The following CTNNA3 variants were observed in gnomAD, a reference collection of about 807,000 sequenced individuals.
CTNNA3 encodes catenin alpha 3, also known as catenin alpha-3.
A neutral mutation model predicts 95.7 loss-of-function variants in CTNNA3; 76 were observed. The observed-to-expected ratio is 0.79, with a 90% CI of 0.66 to 0.96. The LOEUF (loss-of-function observed/expected upper bound fraction) is 0.96. Ranked by LOEUF, CTNNA3 falls within the 40% of genes least tolerant of loss-of-function variation. The pLI is 0.00. For synonymous variants in CTNNA3, 431 were observed against 374.4 expected, an observed-to-expected ratio of 1.15 and a Z score of -1.74; for missense variants, 1,191 against 1,089.8, an observed-to-expected ratio of 1.09 and a Z score of -1.31.
chr10:67,402,405 T>C (rs1014387458), intron 5 of CTNNA3, among the ~76,000 whole-genome samples: 3 of 151,914 alleles, frequency 2.0e-5, no homozygotes, highest in Non-Finnish European at 4.4e-5. Context: ...GAAAAGAGAA[T>C]TGAGAAAGAT....
intron 10 of CTNNA3, among the ~76,000 whole-genome samples, chr10:66,536,745 TG>T (rs1841673420): frequency 6.6e-6 from 1 of 151,828 alleles, no homozygotes; most frequent in African/African-American, 2.4e-5. Context: ...GAGAAAAAAA[TG>T]GATGATAGAG....
intron 5 of CTNNA3, among the ~76,000 whole-genome samples, chr10:67,283,067 G>C (rs1839460816): frequency 6.6e-6 from 1 of 152,210 alleles, no homozygotes; most frequent in Non-Finnish European, 1.5e-5. Flanking sequence ...CTGCTGCACA[G>C]AGAGGACAAG....
chr10:66,839,284 G>A (rs1259183690), intron 7 of CTNNA3, among the ~76,000 whole-genome samples: 6 of 151,998 alleles, frequency 3.9e-5, no homozygotes, highest in Middle Eastern at 3.2e-3. Flanking sequence ...TTGAGCTATG[G>A]GTTTATACTG....
At chr10:66,076,831 G>C (rs2133625449) in intron 14 of CTNNA3, among the ~76,000 whole-genome samples, 1 of 151,834 alleles carries the variant, frequency 6.6e-6, no homozygotes, top group East Asian at 1.9e-4. Context: ...TGATGAGGTA[G>C]ATATTAATGT....
intron 12 of CTNNA3, among the ~76,000 whole-genome samples, chr10:66,375,945 C>G (rs1407349348): frequency 1.3e-5 from 2 of 152,102 alleles, no homozygotes; most frequent in African/African-American, 4.8e-5. Flanking sequence ...CCTGTATTTG[C>G]CATCACTGCC....
At chr10:67,071,852 T>C (rs1276882445) in intron 7 of CTNNA3, among the ~76,000 whole-genome samples, 3 of 152,234 alleles carry the variant, frequency 2.0e-5, no homozygotes, top group African/African-American at 7.2e-5. Context: ...ACTTGTATTA[T>C]ACTGTGCCCA....
chr10:66,077,828 G>A (rs1236135510), intron 14 of CTNNA3, among the ~76,000 whole-genome samples: 1 of 151,632 alleles, frequency 6.6e-6, no homozygotes, highest in Non-Finnish European at 1.5e-5. Context: ...TATCCAGAAG[G>A]TGAAGATCCA....
At chr10:66,708,838 T>C (rs895482545) in intron 9 of CTNNA3, among the ~76,000 whole-genome samples, 2 of 152,138 alleles carry the variant, frequency 1.3e-5, no homozygotes, top group African/African-American at 2.4e-5. Context: ...AATTCACCAC[T>C]ACCATGGAAA....
chr10:66,990,927 C>T (rs1288389078), intron 7 of CTNNA3, among the ~76,000 whole-genome samples: 1 of 152,122 alleles, frequency 6.6e-6, no homozygotes, highest in Non-Finnish European at 1.5e-5. Flanking sequence ...GTGAGGCAAA[C>T]AAAGCATCAT....
At chr10:66,202,152 T>C (rs2087466634) in intron 13 of CTNNA3, among the ~76,000 whole-genome samples, 2 of 152,224 alleles carry the variant, frequency 1.3e-5, no homozygotes, top group Admixed American at 6.5e-5. Context: ...AATCATTGTT[T>C]AACATTTATG....
chr10:66,413,554 A>G (rs1589216112), intron 11 of CTNNA3, among the ~76,000 whole-genome samples: 1 of 152,244 alleles, frequency 6.6e-6, no homozygotes, highest in South Asian at 2.1e-4. Context: ...ATAAAACAAA[A>G]TATGGTAACA....
chr10:66,437,743 G>T (rs1485393683), intron 11 of CTNNA3, among the ~76,000 whole-genome samples: 1 of 152,060 alleles, frequency 6.6e-6, no homozygotes, highest in Non-Finnish European at 1.5e-5. Context: ...TTGTTCCCTT[G>T]CTGGCGAGGA....
intron 9 of CTNNA3, among the ~76,000 whole-genome samples, chr10:66,676,049 T>C (rs778799179): frequency 6.6e-6 from 1 of 152,084 alleles, no homozygotes; most frequent in Non-Finnish European, 1.5e-5. Context: ...CAACGGAGGA[T>C]TTATTTTCTG....
At chr10:67,133,999 A>C (rs1171810242) in intron 7 of CTNNA3, among the ~76,000 whole-genome samples, 1 of 152,062 alleles carries the variant, frequency 6.6e-6, no homozygotes, top group Non-Finnish European at 1.5e-5. Flanking sequence ...CATTATTTTT[A>C]TAGATGAAAA....
chr10:67,344,525 C>T (rs1306675772), intron 5 of CTNNA3, among the ~76,000 whole-genome samples: 1 of 152,064 alleles, frequency 6.6e-6, no homozygotes, highest in Non-Finnish European at 1.5e-5. Flanking sequence ...AATCTTGTCA[C>T]TTGGTATTGA....
At chr10:67,285,619 C>A (rs1839566500) in intron 5 of CTNNA3, among the ~76,000 whole-genome samples, 1 of 152,136 alleles carries the variant, frequency 6.6e-6, no homozygotes, top group Admixed American at 6.5e-5. Flanking sequence ...TAAAGTAACA[C>A]TTGTTTTGTA....
rs2170137 is a variant in CTNNA3 at position 67,277,702 on chromosome 10, C to T, written c.580-57832G>A. On this transcript the variant is annotated intron_variant, in intron 5 of 17. Transcript: ENST00000433211. The stretch of plus-strand genomic sequence containing the variant: ...CCAAAACCTACCAAAATGAAGATGG[C>T]ATCAAAAGTGACCTCTGGTTGTCCT... 0.018 allele frequency among the ~76,000 whole-genome samples: 2,774 copies of T among 152,154 alleles called. 230 individuals carry two copies. In the East Asian group the frequency reaches 0.25, roughly 14 times the overall value.
intron 10 of CTNNA3, among the ~76,000 whole-genome samples, chr10:66,567,321 C>T (rs1016379897): frequency 6.6e-5 from 10 of 152,114 alleles, no homozygotes; most frequent in South Asian, 6.2e-4. Context: ...AATAGTCTAT[C>T]GAGACTTCAT....
chr10:66,894,688 C>T (rs1845404864), intron 7 of CTNNA3, among the ~76,000 whole-genome samples: 1 of 151,914 alleles, frequency 6.6e-6, no homozygotes, highest in South Asian at 2.1e-4. Flanking sequence ...TTAATTAAGA[C>T]ATTTGCAATT....
Sources: allele counts gnomAD v4.1 joint callset (sites outside exome capture counted in the v4.1 genomes callset), GRCh38; gene constraint gnomAD v4.1.1; transcripts MANE v1.5; gene names NCBI Gene and HGNC (gene_info 2026-07-23, HGNC 2026-07-21).